TTC17: variants seen among roughly 807,000 people sequenced by gnomAD.
TTC17 encodes the protein tetratricopeptide repeat domain 17.
In TTC17, 58 loss-of-function variants were observed where a neutral mutation model predicts 143.8. That is an observed-to-expected ratio of 0.40 (90% CI 0.33 to 0.50). TTC17 has a LOEUF of 0.50. TTC17 is among the 20% of genes least tolerant of loss of function. TTC17 has a pLI of 0.49. For synonymous variants in TTC17, 501 were observed against 497.8 expected (o/e 1.01, Z -0.09); for missense variants, 1,273 against 1,392.5 (o/e 0.91, Z 1.37).
At chr11:43,368,406 CTGATCT>C (rs1356452334) in intron 1 of TTC17, among the ~76,000 whole-genome samples, 1 of 152,196 alleles carries the variant, frequency 6.6e-6, no homozygotes, top group East Asian at 1.9e-4. Flanking sequence ...CCCACCACAC[CTGATCT>C]TCCCCCATTC....
intron 1 of TTC17, among the ~76,000 whole-genome samples, chr11:43,375,016 A>G (rs1183295324): frequency 6.6e-6 from 1 of 152,250 alleles, no homozygotes; most frequent in African/African-American, 2.4e-5. Flanking sequence ...TTTCTGTATT[A>G]TAAAGTTTTC....
intron 9 of TTC17, among the ~76,000 whole-genome samples, chr11:43,401,127 C>A (rs1426938447): frequency 6.6e-6 from 1 of 152,082 alleles, no homozygotes; most frequent in Admixed American, 6.6e-5. Context: ...AAAGCAAATT[C>A]TCTCCAGAAA....
chr11:43,470,219 G>A lies in TTC17; in HGVS notation c.3030+18954G>A, dbSNP rs1274762541. 2.7e-4 allele frequency among the ~76,000 whole-genome samples: 41 copies of A among 152,150 alleles called. 1 individual carries two copies. The highest frequency in any genetic ancestry group is 2.6e-3 in the Admixed American group (40 of 15,284). On this transcript the variant is annotated intron_variant, in intron 21 of 23. Coordinates refer to ENST00000039989, the MANE Select transcript of TTC17 (RefSeq NM_018259.6). The stretch of plus-strand genomic sequence containing the variant: ...CAGTTAGACATTTCACATTCATGCC[G>A]CTGCAGCAGCATCAGAGGTATACCT...
chr11:43,428,839 C>T lies in TTC17; in HGVS notation c.2251+14063C>T, dbSNP rs183283505. Among the ~76,000 whole-genome samples, 702 of 152,240 alleles carry T rather than the reference C, an allele frequency of 4.6e-3. 1 individual carries two copies. Among genetic ancestry groups the T allele is most frequent in the African/African-American group, 0.016 (677 of 41,558 alleles). On this transcript the variant is annotated intron_variant, in intron 16 of 23. Transcript: ENST00000039989. ...CTTTTCTTTCTTTCCTTCTTTTTTCCTGTAAACTCTTCTGACTTAATCACC... is the reference window on the plus strand; with the variant it reads ...CTTTTCTTTCTTTCCTTCTTTTTTCTTGTAAACTCTTCTGACTTAATCACC...
At chr11:43,439,764 C>T (rs1254253319) in intron 16 of TTC17, among the ~76,000 whole-genome samples, 1 of 152,174 alleles carries the variant, frequency 6.6e-6, no homozygotes, top group Non-Finnish European at 1.5e-5. Flanking sequence ...AGCCACCGCA[C>T]CCAGCCCGTA....
intron 16 of TTC17, among the ~76,000 whole-genome samples, chr11:43,441,489 A>G (rs1009340801): frequency 2.0e-5 from 3 of 151,952 alleles, no homozygotes; most frequent in African/African-American, 7.2e-5. Flanking sequence ...ATTATATTTC[A>G]TTTCTTAAGG....
In TTC17 at chr11:43,447,943, G is replaced by A. The variant is rs968066949; in HGVS notation, c.2666-59G>A. ...AGGTGAAGTAATCACCAGGGCATAA[G>A]GCCCTTTGGGTTCTCTTCCTTTGCA... On this transcript the variant is annotated intron_variant, in intron 18 of 23. Transcript: ENST00000039989. 26 of 1,592,968 alleles carry A rather than the reference G, an allele frequency of 1.6e-5. No homozygotes were observed. In the South Asian group the frequency reaches 2.7e-4, roughly 17 times the overall value.
At chr11:43,468,355 G>A (rs1188280921) in intron 21 of TTC17, 1 of 152,222 alleles carries the variant, frequency 6.6e-6, no homozygotes, top group African/African-American at 2.4e-5. Flanking sequence ...CCTTTACATA[G>A]ATGGTCAAAT....
chr11:43,364,294 C>T (rs1050663813), intron 1 of TTC17, among the ~76,000 whole-genome samples: 2 of 151,858 alleles, frequency 1.3e-5, no homozygotes, highest in Non-Finnish European at 2.9e-5. Flanking sequence ...AGGCCTCAAG[C>T]GATCCTCCTG....
At chr11:43,370,772 CAGAT>C (rs970232038) in intron 1 of TTC17, among the ~76,000 whole-genome samples, 44 of 150,278 alleles carry the variant, frequency 2.9e-4, no homozygotes, top group African/African-American at 8.7e-4. Flanking sequence ...TATAAACTGT[CAGAT>C]AGTTAAAGAG....
At position 43,399,896 on chromosome 11, in the gene TTC17, A is replaced by G. The variant is rs1857776972; in HGVS notation, c.1067A>G (p.Gln356Arg). The change falls in exon 9 of 24, where the codon CAG becomes CGG. Residue 356 changes from glutamine to arginine, a missense_variant. Physicochemically the swap from Gln to Arg is conservative, Grantham distance 43. Coordinates refer to ENST00000039989, the MANE Select transcript of TTC17 (RefSeq NM_018259.6). Reference protein sequence around the residue: ...QKLEAQHRSLQRTLNELKEYQ... With the variant: ...QKLEAQHRSLRRTLNELKEYQ... ...TATTAAAAAATGTTAAGATCTCTCC[A>G]GCGAACACTGAATGAGTTAAAAGAG... 6.2e-7 allele frequency: 1 copy of G among 1,610,204 alleles called. No individual in the cohort carries two copies.
chr11:43,420,731 T>TA (rs1426424062), intron 16 of TTC17, among the ~76,000 whole-genome samples: 1 of 152,180 alleles, frequency 6.6e-6, no homozygotes, highest in Non-Finnish European at 1.5e-5. Flanking sequence ...TGAAAGACAT[T>TA]ATATATAAAT....
At chr11:43,461,265 TC>T (rs1010806654) in intron 21 of TTC17, among the ~76,000 whole-genome samples, 1 of 151,574 alleles carries the variant, frequency 6.6e-6, no homozygotes, top group African/African-American at 2.4e-5. Context: ...GCGCCTGTAG[TC>T]CCGGCTACTC....
intron 21 of TTC17, among the ~76,000 whole-genome samples, chr11:43,480,733 G>C (rs1948269993): frequency 6.6e-6 from 1 of 152,068 alleles, no homozygotes; most frequent in Non-Finnish European, 1.5e-5. Flanking sequence ...TATTATGCAG[G>C]AGAAGAGAGT....
At chr11:43,362,149 T>TTG (rs3978779) in intron 1 of TTC17, among the ~76,000 whole-genome samples, 8,096 of 138,010 alleles carry the variant, frequency 0.059, 241 homozygotes, top group African/African-American at 0.069. Flanking sequence ...CCCGGCTAAT[T>TTG]TGTGTGTGTG....
chr11:43,364,712 T>G (rs867886413), intron 1 of TTC17, among the ~76,000 whole-genome samples: 1 of 152,256 alleles, frequency 6.6e-6, no homozygotes, highest in South Asian at 2.1e-4. Flanking sequence ...CTGACTTTGT[T>G]TATGCTGTAG....
intron 21 of TTC17, among the ~76,000 whole-genome samples, chr11:43,475,949 C>T (rs1905290): frequency 0.93 from 142,149 of 152,290 alleles, 66,446 homozygotes; most frequent in Non-Finnish European, 0.95. Context: ...AGAATGATGG[C>T]GTTAACACCT....
intron 1 of TTC17, among the ~76,000 whole-genome samples, chr11:43,372,738 G>A (rs996044818): frequency 7.9e-5 from 12 of 151,962 alleles, no homozygotes; most frequent in East Asian, 3.9e-4. Context: ...TGATCCACCC[G>A]CCTCAGCCTG....
intron 19 of TTC17, 131 bp downstream of exon 19, chr11:43,448,253 A>G (rs1334358216): frequency 1.5e-6 from 2 of 1,336,276 alleles, no homozygotes; most frequent in Admixed American, 5.1e-5. Context: ...AAGGATGACC[A>G]TGCTGACCAT....
Sources: gnomAD v4.1 joint callset for allele counts (sites outside exome capture counted in the v4.1 genomes callset) on GRCh38, gnomAD v4.1.1 for gene constraint, MANE v1.5 for transcripts, NCBI Gene and HGNC (gene_info 2026-07-23, HGNC 2026-07-21) for gene names.